The following ATP13A5 variants were observed in gnomAD, a reference collection of about 807,000 sequenced individuals.
ATP13A5 encodes probable cation-transporting ATPase 13A5.
Under a neutral mutation model 150.2 loss-of-function variants are expected in ATP13A5, and 149 were observed. The observed-to-expected ratio is 0.99, with a 90% CI of 0.87 to 1.14. ATP13A5 has a LOEUF of 1.14. Among genes scored for constraint, ATP13A5 ranks in the 50% most tolerant of loss-of-function variants. The pLI is 0.00. For synonymous variants in ATP13A5, 497 were observed against 522.2 expected, an observed-to-expected ratio of 0.95 and a Z score of 0.66; for missense variants, 1,383 against 1,449.3, an observed-to-expected ratio of 0.95 and a Z score of 0.74.
chr3:193,309,396 T>A (rs1473120694), intron 21 of ATP13A5, among the ~76,000 whole-genome samples: 1 of 152,190 alleles, frequency 6.6e-6, no homozygotes, highest in Non-Finnish European at 1.5e-5. Context: ...TTCTGCTACA[T>A]CCAAGCATGG....
At chr3:193,290,750 G>C (rs536560604) in intron 25 of ATP13A5, among the ~76,000 whole-genome samples, 1 of 152,100 alleles carries the variant, frequency 6.6e-6, no homozygotes, top group Non-Finnish European at 1.5e-5. Flanking sequence ...TTTGGAAATG[G>C]GCAGAAATTA....
intron 1 of ATP13A5, among the ~76,000 whole-genome samples, chr3:193,372,041 C>T (rs930293634): frequency 6.6e-6 from 1 of 151,932 alleles, no homozygotes; most frequent in East Asian, 1.9e-4. Flanking sequence ...TGGCTCACAC[C>T]TGTAATCAGC....
chr3:193,299,994 G>A (rs958191970), intron 24 of ATP13A5, among the ~76,000 whole-genome samples: 1 of 152,110 alleles, frequency 6.6e-6, no homozygotes, highest in African/African-American at 2.4e-5. Context: ...GTTCTTCTGC[G>A]ACACTCTTAT....
chr3:193,297,031 A>G (rs1718201028), intron 25 of ATP13A5, among the ~76,000 whole-genome samples: 2 of 152,120 alleles, frequency 1.3e-5, no homozygotes, highest in Admixed American at 1.3e-4. Flanking sequence ...TACCTAGGTG[A>G]TGGGTTGAAC....
chr3:193,302,791 C>T (rs141402386), intron 23 of ATP13A5, among the ~76,000 whole-genome samples: 5 of 152,272 alleles, frequency 3.3e-5, no homozygotes, highest in Admixed American at 1.3e-4. Flanking sequence ...ATCTCATTGC[C>T]TCTCTGGAGT....
At chr3:193,278,581 G>C (rs1560109922) in intron 28 of ATP13A5, among the ~76,000 whole-genome samples, 1 of 152,170 alleles carries the variant, frequency 6.6e-6, no homozygotes, top group Non-Finnish European at 1.5e-5. Flanking sequence ...GTCTTAGGCT[G>C]TTCTTATTGG....
Position 193,335,070 on chromosome 3 carries a change from A to G in ATP13A5, c.973T>C (p.Leu325=), listed in dbSNP as rs760220618. Residue 325 remains leucine (L), a synonymous_variant, in exon 10 of 30, where the codon TTG becomes CTG. Coordinates refer to ENST00000342358, the MANE Select transcript of ATP13A5 (RefSeq NM_198505.4). The part of the protein sequence containing the change: ...GESIPVTKTP[L]PQMENTMPWK... ...GGCATAGTGTTCTCCATCTGGGGCA[A>G]TGGTGTCTTTGTAACAGGTATACTT... is the stretch of plus-strand genomic sequence containing the variant. 3.7e-6 allele frequency: 6 copies of G among 1,613,874 alleles called. No homozygotes were observed. The highest frequency in any genetic ancestry group is 5.1e-6 in the Non-Finnish European group (6 of 1,179,786).
chr3:193,338,038 G>T (rs1349671245), intron 9 of ATP13A5, among the ~76,000 whole-genome samples: 4 of 152,162 alleles, frequency 2.6e-5, no homozygotes, highest in African/African-American at 9.7e-5. Flanking sequence ...CTGTTTGTCT[G>T]TTATGGGTGT....
chr3:193,284,201 T>C (rs1300539662), intron 27 of ATP13A5, among the ~76,000 whole-genome samples: 1 of 151,568 alleles, frequency 6.6e-6, no homozygotes, highest in African/African-American at 2.4e-5. Flanking sequence ...TGTAAAAGTG[T>C]TTTTTTAGAG....
chr3:193,293,063 C>T (rs1232840102), intron 25 of ATP13A5, among the ~76,000 whole-genome samples: 7 of 152,084 alleles, frequency 4.6e-5, no homozygotes, highest in Non-Finnish European at 1.0e-4. Context: ...AACTGAGGCT[C>T]AGAAAAGTAG....
chr3:193,304,262 A>G (rs375802032), intron 23 of ATP13A5, among the ~76,000 whole-genome samples: 6 of 152,170 alleles, frequency 3.9e-5, no homozygotes, highest in Non-Finnish European at 7.3e-5. Flanking sequence ...AGAAGCAAGG[A>G]AAGTGGGAGT....
intron 11 of ATP13A5, among the ~76,000 whole-genome samples, chr3:193,331,687 C>T (rs914348923): frequency 6.6e-6 from 1 of 152,122 alleles, no homozygotes; most frequent in Non-Finnish European, 1.5e-5. Flanking sequence ...AAACTAGGAC[C>T]AACATCCTTC....
Position 193,343,916 on chromosome 3 carries a change from C to T in ATP13A5, c.943+11G>A. On this transcript the variant is annotated intron_variant, in intron 9 of 29. Coordinates refer to ENST00000342358, the MANE Select transcript of ATP13A5 (RefSeq NM_198505.4). ...AGACAGGGAAGAGGAAGCTCCATGA[C>T]AACTGCCTACCTGTAAGCATGCCTT... is the stretch of plus-strand genomic sequence containing the variant. The T allele has an allele frequency of 6.2e-7, 1 of 1,610,480 alleles. No individual in the cohort carries two copies.
intron 9 of ATP13A5, 132 bp downstream of exon 9, chr3:193,343,795 T>C: frequency 1.0e-6 from 1 of 1,000,516 alleles, no homozygotes; most frequent in Non-Finnish European, 1.4e-6. Flanking sequence ...TCCATATAAA[T>C]GCAAAGGCTG....
intron 7 of ATP13A5, among the ~76,000 whole-genome samples, chr3:193,345,371 A>T (rs985876343): frequency 2.6e-5 from 4 of 152,202 alleles, no homozygotes; most frequent in Admixed American, 1.3e-4. Context: ...CTTTAGACAA[A>T]TTAAATTTAA....
intron 25 of ATP13A5, 24 bp from the exon 26 acceptor site, chr3:193,290,083 C>CT (rs1717889167): frequency 6.3e-7 from 1 of 1,576,454 alleles, no homozygotes; most frequent in Non-Finnish European, 8.6e-7. Flanking sequence ...ACATTTTTTT[C>CT]CTATTACAAT....
At chr3:193,293,674 C>T (rs755496265) in intron 25 of ATP13A5, among the ~76,000 whole-genome samples, 1 of 152,058 alleles carries the variant, frequency 6.6e-6, no homozygotes, top group Non-Finnish European at 1.5e-5. Context: ...TTATTCCAAA[C>T]ACTGAAAATC....
chr3:193,374,276 GCACA>G (rs542915725), intron 1 of ATP13A5, among the ~76,000 whole-genome samples: 14 of 147,882 alleles, frequency 9.5e-5, no homozygotes, highest in South Asian at 8.7e-4. Flanking sequence ...GCATGTATTT[GCACA>G]CACACACACA....
chr3:193,331,279 C>G lies in ATP13A5; in HGVS notation c.1305G>C (p.Leu435=). The change falls in exon 12 of 30, where the codon CTG becomes CTC. Residue 435 remains leucine (L), a synonymous_variant. Transcript: ENST00000342358. ...GAGGGACAGTCACGGTGAGGAGGAT[C>G]AGGGCCATGGTCACAGTATCTTTTG... The part of the protein sequence containing the change: ...VPPKDTVTMA[L]ILLTVTVPPV... 1 of 1,613,836 alleles carries G rather than the reference C, an allele frequency of 6.2e-7. No homozygotes were observed. Among genetic ancestry groups the G allele is most frequent in the Non-Finnish European group, 8.5e-7 (1 of 1,179,886 alleles).
Sources: allele counts gnomAD v4.1 joint callset (sites outside exome capture counted in the v4.1 genomes callset), GRCh38; gene constraint gnomAD v4.1.1; transcripts MANE v1.5; gene names NCBI Gene and HGNC (gene_info 2026-07-23, HGNC 2026-07-21).